Variants in PVT1 observed in about 807,000 individuals in gnomAD.
PVT1 encodes the protein CXCR4/PVT1 fusion.
At chr8:127,841,925 C>T (rs539853888) in intron 2 of PVT1, among the ~76,000 whole-genome samples, 2 of 152,114 alleles carry the variant, frequency 1.3e-5, no homozygotes, top group East Asian at 1.9e-4. Context: ...GGGGTTTCAC[C>T]GTGTTGGCCA....
chr8:127,945,766 A>G (rs1432700898), intron 3 of PVT1, among the ~76,000 whole-genome samples: 2 of 152,110 alleles, frequency 1.3e-5, no homozygotes, highest in South Asian at 4.2e-4. Context: ...GAAAATAATC[A>G]CATCCCACTG....
chr8:127,803,129 T>TTC (rs1022393811), intron 2 of PVT1: 2 of 133,500 alleles, frequency 1.5e-5, no homozygotes, highest in African/African-American at 2.7e-5. Context: ...TTCTTTCTTT[T>TTC]TTTTTTTTTT....
chr8:127,922,615 C>T (rs867811386), intron 3 of PVT1, among the ~76,000 whole-genome samples: 7 of 152,276 alleles, frequency 4.6e-5, no homozygotes, highest in South Asian at 2.1e-4. Context: ...GTGTCCAGCT[C>T]ACTGTGGGAC....
At chr8:128,018,435 A>G (rs1320128736) in intron 4 of PVT1, among the ~76,000 whole-genome samples, 1 of 152,200 alleles carries the variant, frequency 6.6e-6, no homozygotes, top group Non-Finnish European at 1.5e-5. Context: ...ATGTAATGAC[A>G]TCTTCGTCAC....
At chr8:128,040,906 ATGTGTGCATATG>A (rs1813523610) in intron 4 of PVT1, among the ~76,000 whole-genome samples, 1 of 150,834 alleles carries the variant, frequency 6.6e-6, no homozygotes, top group South Asian at 2.1e-4. Context: ...ATGTTTGTGC[ATGTGTGCATATG>A]TGTGTGTGCT....
chr8:127,960,963 G>T, intron 3 of PVT1, among the ~76,000 whole-genome samples: 1 of 145,344 alleles, frequency 6.9e-6, no homozygotes, highest in Non-Finnish European at 1.5e-5. Context: ...GGGCGGGCAC[G>T]AATAGGGGAG....
rs369787654 is a variant in PVT1 at position 127,835,622 on chromosome 8, C to CA, written n.372+39557dup. On this transcript the variant is annotated intron_variant and non_coding_transcript_variant, in intron 2 of 10. Coordinates refer to ENST00000651587, the Ensembl canonical transcript of PVT1. The stretch of plus-strand genomic sequence containing the variant: ...AGAACTTAAAGTACAAACAAACAAA[C>CA]AAAAAACCTCCACAAAAACCCTATC... Among the ~76,000 whole-genome samples the CA allele has an allele frequency of 7.2e-3, 1,092 of 152,146 alleles. 19 individuals are homozygous for CA. Among genetic ancestry groups the CA allele is most frequent in the African/African-American group, 0.025 (1,026 of 41,516 alleles).
At chr8:128,016,669 C>A (rs1327408906) in intron 4 of PVT1, among the ~76,000 whole-genome samples, 1 of 152,234 alleles carries the variant, frequency 6.6e-6, no homozygotes, top group Non-Finnish European at 1.5e-5. Context: ...GCTCACCACA[C>A]AACTGGTGCT....
chr8:127,850,436 C>T (rs541077384), intron 2 of PVT1, among the ~76,000 whole-genome samples: 97 of 152,258 alleles, frequency 6.4e-4, no homozygotes, highest in African/African-American at 2.1e-3. Context: ...TATGATGCCA[C>T]GGCCCTGGTT....
chr8:128,073,376 T>C (rs1347421767), intron 5 of PVT1, among the ~76,000 whole-genome samples: 1 of 152,138 alleles, frequency 6.6e-6, no homozygotes. Flanking sequence ...CATCCCTTCA[T>C]TCCTCCCTCC....
In PVT1 at chr8:127,907,086, G is replaced by A. The variant is rs533301535; in HGVS notation, n.782+16088G>A. On this transcript the variant is annotated intron_variant and non_coding_transcript_variant, in intron 3 of 10. Coordinates refer to ENST00000651587, the Ensembl canonical transcript of PVT1. ...AGCAATTCTCCTGTCTCAGCCTCCC[G>A]AGTAGCTGGATTTGCAGGCATGTGC... Among the ~76,000 whole-genome samples, 5 of 151,860 alleles carry A rather than the reference G, an allele frequency of 3.3e-5. No homozygotes were observed. The South Asian group carries it at 1.0e-3, about 32-fold the overall frequency.
At chr8:128,073,863 C>T (rs1814043429) in intron 5 of PVT1, among the ~76,000 whole-genome samples, 1 of 150,444 alleles carries the variant, frequency 6.6e-6, no homozygotes, top group Non-Finnish European at 1.5e-5. Flanking sequence ...TAACTAGGCA[C>T]AGCTGATAAG....
At chr8:128,034,728 G>C (rs1406875101) in intron 4 of PVT1, among the ~76,000 whole-genome samples, 1 of 152,198 alleles carries the variant, frequency 6.6e-6, no homozygotes, top group Non-Finnish European at 1.5e-5. Context: ...ACACAGACAA[G>C]ACCTGTGTCT....
At chr8:127,971,671 G>T (rs1180009912) in intron 3 of PVT1, among the ~76,000 whole-genome samples, 1 of 152,184 alleles carries the variant, frequency 6.6e-6, no homozygotes, top group Non-Finnish European at 1.5e-5. Context: ...CTTGGACAAG[G>T]TAGACTACCT....
chr8:127,958,156 T>C (rs72718602), intron 3 of PVT1, among the ~76,000 whole-genome samples: 1,886 of 152,356 alleles, frequency 0.012, 21 homozygotes, highest in Non-Finnish European at 0.02. Context: ...TTTAAATGAA[T>C]ATATTTATTC....
At chr8:127,822,626 G>C (rs1449773493) in intron 2 of PVT1, among the ~76,000 whole-genome samples, 1 of 152,128 alleles carries the variant, frequency 6.6e-6, no homozygotes, top group Admixed American at 6.6e-5. Context: ...TATTAGAGGG[G>C]TAAGTCCATC....
intron 4 of PVT1, chr8:127,998,237 G>T (rs1411697079): frequency 1.3e-5 from 2 of 152,130 alleles, no homozygotes; most frequent in African/African-American, 2.4e-5. Flanking sequence ...CTAAGAAGAG[G>T]GCATTCCTGC....
chr8:127,800,247 A>G (rs1047087691), intron 2 of PVT1, among the ~76,000 whole-genome samples: 1 of 151,984 alleles, frequency 6.6e-6, no homozygotes, highest in Non-Finnish European at 1.5e-5. Flanking sequence ...TTGGTTCAAG[A>G]GTGATGGATG....
chr8:128,095,762 C>T lies in PVT1; in HGVS notation n.1115-756C>T, dbSNP rs961623878. 1.2e-4 allele frequency among the ~76,000 whole-genome samples: 19 copies of T among 152,212 alleles called. 2 individuals carry two copies. The highest frequency in any genetic ancestry group is 6.5e-5 in the Admixed American group (1 of 15,294). The stretch of plus-strand genomic sequence containing the variant: ...GAGGATGATCACGGATTTCATTTTC[C>T]CTTGTTTGTTAGCGTTGCGGTCAGC... On this transcript the variant is annotated intron_variant and non_coding_transcript_variant, in intron 5 of 10. Transcript: ENST00000651587.
Sources: gnomAD v4.1 joint callset for allele counts (sites outside exome capture counted in the v4.1 genomes callset) on GRCh38, gnomAD v4.1.1 for gene constraint, MANE v1.5 for transcripts, NCBI Gene and HGNC (gene_info 2026-07-23, HGNC 2026-07-21) for gene names.